Variants in SLC25A38 observed in about 807,000 individuals in gnomAD.
SLC25A38 encodes mitochondrial glycine transporter.
A neutral mutation model predicts 33.4 loss-of-function variants in SLC25A38; 27 were observed. The observed-to-expected ratio is 0.81, with a 90% CI of 0.60 to 1.11. The LOEUF (loss-of-function observed/expected upper bound fraction) is 1.11. SLC25A38 is among the 50% of genes most tolerant of loss of function. The probability of loss-of-function intolerance (pLI) is 0.00; values close to 1 mark genes in which losing one functional copy is unlikely to be tolerated. For synonymous variants in SLC25A38, 123 were observed against 145.9 expected, an observed-to-expected ratio of 0.84 and a Z score of 1.13; for missense variants, 344 against 388.8, an observed-to-expected ratio of 0.88 and a Z score of 0.97.
chr3:39,390,142 T>C (rs1174913002), intron 2 of SLC25A38, among the ~76,000 whole-genome samples: 1 of 152,184 alleles, frequency 6.6e-6, no homozygotes, highest in East Asian at 1.9e-4. Context: ...GGTTTCGCCA[T>C]GTTGGCCAGG....
chr3:39,391,463 G>A lies in SLC25A38; in HGVS notation c.299G>A (p.Gly100Asp). Residue 100 changes from glycine (G) to aspartate (D), a missense_variant, in exon 4 of 7, where the codon GGC (glycine) becomes GAC (aspartate). Gly to Asp is a moderately conservative substitution (Grantham distance 94, BLOSUM62 -1). Coordinates refer to ENST00000650617, the MANE Select transcript of SLC25A38 (RefSeq NM_017875.4). ...MSPSIVRCVPGVGIYFGTLYS... is the reference protein window; with the variant it reads ...MSPSIVRCVPDVGIYFGTLYS... ...CAGTCCATTGTGAGATGTGTCCCTGGCGTTGGAATCTACTTTGGCACTCTC... is the reference window on the plus strand; with the variant it reads ...CAGTCCATTGTGAGATGTGTCCCTGACGTTGGAATCTACTTTGGCACTCTC... 6.2e-7 allele frequency: 1 copy of A among 1,613,774 alleles called. No individual in the cohort carries two copies. The highest frequency in any genetic ancestry group is 8.5e-7 in the Non-Finnish European group (1 of 1,180,010).
Position 39,394,413 on chromosome 3 carries a change from AGGT to A in SLC25A38, c.632_634del (p.Val211del). The stretch of plus-strand genomic sequence containing the variant: ...TGTTACCTTTGTTCTATTTCAGACC[AGGT>A]GGATGCAACCCTTATTCCTATTACA... On this transcript the variant is annotated inframe_deletion, in exon 6 of 7. Transcript: ENST00000650617. 1 of 1,612,662 alleles carries A rather than the reference AGGT, an allele frequency of 6.2e-7. No homozygotes were observed.
intron 5 of SLC25A38, 28 bp from the exon 6 acceptor site, chr3:39,394,382 T>C (rs748772568): frequency 1.2e-6 from 2 of 1,611,810 alleles, no homozygotes; most frequent in Non-Finnish European, 1.7e-6. Flanking sequence ...AAGATCTATG[T>C]CCACATGTTA....
At chr3:39,383,963 G>A (rs2041677506) in intron 1 of SLC25A38, among the ~76,000 whole-genome samples, 170 bp downstream of exon 1, 1 of 152,210 alleles carries the variant, frequency 6.6e-6, no homozygotes, top group African/African-American at 2.4e-5. Flanking sequence ...AGGGGGCAGG[G>A]AGTGAGGAGA....
chr3:39,383,405 A>G lies in SLC25A38; in HGVS notation c.-320A>G, dbSNP rs936071465. The G allele has an allele frequency of 1.6e-5, 6 of 382,130 alleles. No homozygotes were observed. The highest frequency in any genetic ancestry group is 1.2e-4 in the African/African-American group (6 of 48,362). 23.7% of individuals were successfully genotyped at this position (382,130 alleles called of 1,614,324 possible). On this transcript the variant is annotated 5_prime_UTR_variant, in exon 1 of 7. Coordinates refer to ENST00000650617, the MANE Select transcript of SLC25A38 (RefSeq NM_017875.4). ...CGGCGCTTCCTCCACCCCGGGATAC[A>G]CAGAACCTCATCTCCTACGGTGCTG...
Position 39,396,350 on chromosome 3 carries a change from T to G in SLC25A38, c.793-48T>G, listed in dbSNP as rs145736760. On this transcript the variant is annotated intron_variant, in intron 6 of 6. Transcript: ENST00000650617. ...CTGTGGTACCAAGTGGATAATTAATTGTATTGCTACTTTGCTTCCAGAGTT... is the reference window on the plus strand; with the variant it reads ...CTGTGGTACCAAGTGGATAATTAATGGTATTGCTACTTTGCTTCCAGAGTT... 1.4e-5 allele frequency: 23 copies of G among 1,613,954 alleles called. No homozygotes were observed. In the African/African-American group the frequency reaches 2.0e-4, roughly 14 times the overall value.
chr3:39,383,593 C>T lies in SLC25A38; in HGVS notation c.-132C>T. ...GCTGCGTGCTTATAGGCGCAGACGT[C>T]AGAGAGCCCGCGGCTTAAAGCGCGT... On this transcript the variant is annotated 5_prime_UTR_variant, in exon 1 of 7. Coordinates refer to ENST00000650617, the MANE Select transcript of SLC25A38 (RefSeq NM_017875.4). 1 of 1,010,192 alleles carries T rather than the reference C, an allele frequency of 9.9e-7. No individual in the cohort carries two copies. The highest frequency in any genetic ancestry group is 1.5e-6 in the Non-Finnish European group (1 of 660,842). The allele number at this position is 1,010,192 out of a possible 1,614,324, so 62.6% of individuals were successfully genotyped here.
intron 1 of SLC25A38, chr3:39,384,631 C>G: frequency 2.5e-6 from 1 of 398,310 alleles, no homozygotes; most frequent in Non-Finnish European, 4.4e-6. Flanking sequence ...GTGAATTGGA[C>G]TTAGGATAGT....
chr3:39,383,808 GGGAA>G lies in SLC25A38; in HGVS notation c.69+22_69+25del, dbSNP rs1269331772. 1.9e-6 allele frequency: 3 copies of G among 1,613,878 alleles called. No homozygotes were observed. Among genetic ancestry groups the G allele is most frequent in the Admixed American group, 3.3e-5 (2 of 60,000 alleles). ...AAACGCTTATGGTGAGGGCACTGCGGGGAAGGAAGGGCAGGGGTCCGAACCGCGG... is the reference window on the plus strand; with the variant it reads ...AAACGCTTATGGTGAGGGCACTGCGGGGAAGGGCAGGGGTCCGAACCGCGG... On this transcript the variant is annotated intron_variant, in intron 1 of 6. Coordinates refer to ENST00000650617, the MANE Select transcript of SLC25A38 (RefSeq NM_017875.4).
At chr3:39,387,663 CAG>C (rs1411845671) in intron 1 of SLC25A38, 2 of 152,440 alleles carry the variant, frequency 1.3e-5, no homozygotes, top group Non-Finnish European at 2.9e-5. Context: ...GAGACATTAG[CAG>C]AGTCTGGGGA....
chr3:39,383,792 T>C lies in SLC25A38; in HGVS notation c.68T>C (p.Met23Thr), dbSNP rs2125571868. 8 of 1,614,076 alleles carry C rather than the reference T, an allele frequency of 5.0e-6. No homozygotes were observed. In the South Asian group the frequency reaches 8.8e-5, roughly 18 times the overall value. The change falls in exon 1 of 7, where the codon ATG (methionine) becomes ACG (threonine). Residue 23 changes from methionine to threonine, a missense_variant and splice_region_variant. Physicochemically the swap from Met to Thr is moderately conservative, Grantham distance 81. Coordinates refer to ENST00000650617, the MANE Select transcript of SLC25A38 (RefSeq NM_017875.4). ...QDVGDTVETL[M>T]LHPVIKAFLC... ...GTCGGAGACACGGTGGAAACGCTTA[T>C]GGTGAGGGCACTGCGGGGAAGGAAG... is the stretch of plus-strand genomic sequence containing the variant.
Position 39,389,273 on chromosome 3 carries a change from G to C in SLC25A38, c.70-222G>C, listed in dbSNP as rs554337410. The C allele has an allele frequency of 4.1e-6, 3 of 740,672 alleles. No homozygotes were observed. Among genetic ancestry groups the C allele is most frequent in the Non-Finnish European group, 7.2e-6 (3 of 419,410 alleles). The allele number at this position is 740,672 out of a possible 1,614,324, so 45.9% of individuals were successfully genotyped here. ...TGAGCAATATGTCTATCAGCAATAC[G>C]AAGACCAGAGATACCTCTTGCAGCA... On this transcript the variant is annotated intron_variant, in intron 1 of 6. Transcript: ENST00000650617. This position sits in a 1 kb window ranked among gnomAD's most constrained non-coding sequence, Gnocchi z 4.5.
chr3:39,396,471 C>T lies in SLC25A38; in HGVS notation c.866C>T (p.Ala289Val), dbSNP rs764499362. 2.5e-6 allele frequency: 4 copies of T among 1,614,064 alleles called. No homozygotes were observed. Among genetic ancestry groups the T allele is most frequent in the Non-Finnish European group, 2.5e-6 (3 of 1,180,024 alleles). The change falls in exon 7 of 7, where the codon GCG becomes GTG. Residue 289 changes from alanine (A) to valine (V), a missense_variant. This residue lies in a region of SLC25A38 where 75 missense variants were observed against 117.0 expected (regional missense o/e 0.64). Coordinates refer to ENST00000650617, the MANE Select transcript of SLC25A38 (RefSeq NM_017875.4). ...ALRRTLMAAM[A>V]WTVYEEMMAK... ...CGCAGAACTCTAATGGCAGCAATGG[C>T]GTGGACGGTGTATGAAGAGATGATG...
intron 6 of SLC25A38, among the ~76,000 whole-genome samples, chr3:39,395,348 G>C (rs1007936028): frequency 6.6e-6 from 1 of 151,952 alleles, no homozygotes; most frequent in Non-Finnish European, 1.5e-5. Context: ...TGAAGCAGGA[G>C]GATCCCTTGA....
At chr3:39,383,848 G>C in intron 1 of SLC25A38, 55 bp downstream of exon 1, 2 of 1,595,422 alleles carry the variant, frequency 1.3e-6, no homozygotes, top group Non-Finnish European at 1.7e-6. Flanking sequence ...GCTCGGGCCG[G>C]AGAATTCGGG....
intron 3 of SLC25A38, among the ~76,000 whole-genome samples, chr3:39,390,846 C>T (rs2041758150): frequency 6.6e-6 from 1 of 152,136 alleles, no homozygotes; most frequent in East Asian, 1.9e-4. Flanking sequence ...TTTTTCTGGC[C>T]TTAGGGACTC....
In SLC25A38 at chr3:39,392,009, A is replaced by T. The variant is rs1174210234; in HGVS notation, c.613A>T (p.Ile205Leu). 1 of 1,614,074 alleles carries T rather than the reference A, an allele frequency of 6.2e-7. No individual in the cohort carries two copies. Among genetic ancestry groups the T allele is most frequent in the Middle Eastern group, 1.6e-4 (1 of 6,084 alleles). ...GATGTTTTACAACCAGACCAAAAAT[A>T]TAGTGCCTCATGGTAGGGATAAAGG... ...YLMFYNQTKN[I>L]VPHDQVDATL... The change falls in exon 5 of 7, where the codon ATA becomes TTA. Residue 205 changes from isoleucine to leucine, a missense_variant. Physicochemically the swap from Ile to Leu is conservative, Grantham distance 5. Around this residue, in one of 2 missense-constraint regions of SLC25A38, gnomAD observed 269 missense variants for 271.8 expected, o/e 0.99. Transcript: ENST00000650617.
intron 1 of SLC25A38, among the ~76,000 whole-genome samples, chr3:39,384,192 C>T (rs1452777599): frequency 6.6e-6 from 1 of 152,234 alleles, no homozygotes; most frequent in Non-Finnish European, 1.5e-5. Context: ...CCGTTGATGC[C>T]GCAGCGAGCT....
intron 3 of SLC25A38, 23 bp downstream of exon 3, chr3:39,390,530 G>A: frequency 6.2e-7 from 1 of 1,611,358 alleles, no homozygotes; most frequent in Non-Finnish European, 8.5e-7. Flanking sequence ...CTGGGTCTAG[G>A]TTCCCTAGCA....
Sources: allele counts gnomAD v4.1 joint callset (sites outside exome capture counted in the v4.1 genomes callset), GRCh38; gene constraint gnomAD v4.1.1; regional missense constraint gnomAD v4.1.1; non-coding constraint Gnocchi (gnomAD v3.1); transcripts MANE v1.5; gene names NCBI Gene and HGNC (gene_info 2026-07-23, HGNC 2026-07-21).